GAREM1: variants seen among roughly 807,000 people sequenced by gnomAD.
The protein encoded by GAREM1 is GRB2 associated regulator of MAPK1 subtype 1.
Under a neutral mutation model 71.3 loss-of-function variants are expected in GAREM1, and 26 were observed. That is an observed-to-expected ratio of 0.36 (90% CI 0.27 to 0.51). GAREM1 has a LOEUF of 0.51. GAREM1 is among the 20% of genes least tolerant of loss of function. The pLI is 0.95. For missense variants in GAREM1, 1,026 were observed against 1,103.1 expected (o/e 0.93, Z 0.99); for synonymous variants, 440 against 433.2 (o/e 1.02, Z -0.20).
At chr18:32,388,992 C>T (rs1238979438) in intron 2 of GAREM1, among the ~76,000 whole-genome samples, 1 of 152,076 alleles carries the variant, frequency 6.6e-6, no homozygotes, top group African/African-American at 2.4e-5. Context: ...GGGATGTATG[C>T]TGTCTACTCT....
chr18:32,427,421 T>G (rs888660272), intron 1 of GAREM1, among the ~76,000 whole-genome samples: 1 of 152,156 alleles, frequency 6.6e-6, no homozygotes, highest in Non-Finnish European at 1.5e-5. Flanking sequence ...ATGACAGAGC[T>G]GGAGAGAGAA....
intron 1 of GAREM1, among the ~76,000 whole-genome samples, chr18:32,410,251 A>G (rs2048403503): frequency 6.6e-6 from 1 of 152,210 alleles, no homozygotes; most frequent in Non-Finnish European, 1.5e-5. Context: ...AAATGTATTT[A>G]TTATTCCACC....
At chr18:32,286,962 TA>T in intron 4 of GAREM1, 68 bp downstream of exon 4, 1 of 1,190,068 alleles carries the variant, frequency 8.4e-7, no homozygotes, top group Non-Finnish European at 1.2e-6. Context: ...TTTAAGAAAA[TA>T]AATTAGTGGA....
chr18:32,391,411 AG>A (rs1461707628), intron 2 of GAREM1, among the ~76,000 whole-genome samples: 1 of 152,184 alleles, frequency 6.6e-6, no homozygotes, highest in Non-Finnish European at 1.5e-5. Context: ...TGATAAAATG[AG>A]GGCACTCTTT....
At chr18:32,286,338 G>A (rs2144462075) in intron 4 of GAREM1, among the ~76,000 whole-genome samples, 2 of 150,318 alleles carry the variant, frequency 1.3e-5, no homozygotes, top group South Asian at 4.2e-4. Context: ...GTGTGTGTGT[G>A]TGTGTGTGTG....
intron 2 of GAREM1, among the ~76,000 whole-genome samples, chr18:32,311,845 G>C (rs1598952128): frequency 6.6e-6 from 1 of 152,234 alleles, no homozygotes; most frequent in East Asian, 1.9e-4. Context: ...GAGAGCTGGT[G>C]ATCTAACCAA....
Position 32,302,368 on chromosome 18 carries a change from T to TG in GAREM1, c.393+7824dup, listed in dbSNP as rs74631929. ...AAGTCTATAAACTTCCTAGTCCTGTTGGATAATTTATAGCATTTTATCATT... is the reference window on the plus strand; with the variant it reads ...AAGTCTATAAACTTCCTAGTCCTGTTGGGATAATTTATAGCATTTTATCATT... On this transcript the variant is annotated intron_variant, in intron 3 of 5. Transcript: ENST00000269209. Among the ~76,000 whole-genome samples, 294 of 152,360 alleles carry TG rather than the reference T, an allele frequency of 1.9e-3. 10 individuals are homozygous for TG. In the East Asian group the frequency reaches 0.046, roughly 24 times the overall value.
intron 4 of GAREM1, among the ~76,000 whole-genome samples, chr18:32,285,469 T>C (rs887458215): frequency 2.0e-5 from 3 of 152,188 alleles, no homozygotes; most frequent in Non-Finnish European, 4.4e-5. Flanking sequence ...ACAGAACTTC[T>C]TGTTTTCCCT....
In GAREM1 at chr18:32,265,477, C is replaced by T. The variant is rs1232033073; in HGVS notation, c.*2394G>A. 6.6e-6 allele frequency: 1 copy of T among 152,142 alleles called. No individual in the cohort carries two copies. The highest frequency in any genetic ancestry group is 2.4e-5 in the African/African-American group (1 of 41,414). 9.4% of individuals were successfully genotyped at this position (152,142 alleles called of 1,614,324 possible). A position where few individuals can be genotyped will look rare whatever the true frequency, so the allele number is the denominator to read the frequency against. On this transcript the variant is annotated 3_prime_UTR_variant, in exon 6 of 6. Transcript: ENST00000269209. ...ACTCACACATACATACTCTTAGCAA[C>T]TGAGATTTCAAATATAAACAATATG...
chr18:32,449,013 A>G (rs570599444), intron 1 of GAREM1, among the ~76,000 whole-genome samples: 1 of 152,322 alleles, frequency 6.6e-6, no homozygotes, highest in Non-Finnish European at 1.5e-5. Flanking sequence ...AGCAATACGA[A>G]TGGGAAAACA....
intron 1 of GAREM1, chr18:32,413,256 T>G: frequency 6.4e-7 from 1 of 1,551,106 alleles, no homozygotes; most frequent in Non-Finnish European, 8.9e-7. Context: ...ATATTTCAAC[T>G]ACATATTTGA....
At chr18:32,432,754 G>T (rs976694269) in intron 1 of GAREM1, among the ~76,000 whole-genome samples, 10 of 152,034 alleles carry the variant, frequency 6.6e-5, no homozygotes, top group Non-Finnish European at 1.0e-4. Flanking sequence ...AGAAATAGAT[G>T]ACTTGAATAG....
chr18:32,294,294 G>C (rs780289375), intron 3 of GAREM1, among the ~76,000 whole-genome samples: 1 of 152,292 alleles, frequency 6.6e-6, no homozygotes, highest in East Asian at 1.9e-4. Flanking sequence ...ACGCATACGT[G>C]TATCTGTATA....
chr18:32,323,732 C>G (rs73421939), intron 2 of GAREM1, among the ~76,000 whole-genome samples: 3,451 of 152,212 alleles, frequency 0.023, 129 homozygotes, highest in African/African-American at 0.078. Context: ...AATAATCAAT[C>G]AAGGTTCCAA....
intron 2 of GAREM1, chr18:32,331,776 G>C (rs2047537353): frequency 6.6e-6 from 1 of 152,214 alleles, no homozygotes; most frequent in South Asian, 2.1e-4. Context: ...AAGAAACTGG[G>C]ATATGAGAGA....
intron 2 of GAREM1, among the ~76,000 whole-genome samples, chr18:32,351,142 AT>A (rs2047746335): frequency 6.6e-6 from 1 of 152,150 alleles, no homozygotes; most frequent in African/African-American, 2.4e-5. Context: ...GTAGCCAATG[AT>A]GCTATTTTGA....
chr18:32,429,169 C>T lies in GAREM1; in HGVS notation c.122-36134G>A, dbSNP rs1315987304. On this transcript the variant is annotated intron_variant, in intron 1 of 5. Coordinates refer to ENST00000269209, the MANE Select transcript of GAREM1 (RefSeq NM_001242409.2). ...TATCTCCATCAATTAAAGGGAAATG[C>T]CCTGTCTCAAATTTTGATTCACTGT... Among the ~76,000 whole-genome samples, 6 of 152,190 alleles carry T rather than the reference C, an allele frequency of 3.9e-5. No homozygotes were observed. The East Asian group carries it at 7.7e-4, about 20-fold the overall frequency.
rs898467222 is a variant in GAREM1 at position 32,266,375 on chromosome 18, C to G, written c.*1496G>C. 3.3e-5 allele frequency: 5 copies of G among 151,968 alleles called. No individual in the cohort carries two copies. The highest frequency in any genetic ancestry group is 1.2e-4 in the African/African-American group (5 of 41,392). The allele number at this position is 151,968 out of a possible 1,614,324, so 9.4% of individuals were successfully genotyped here. On this transcript the variant is annotated 3_prime_UTR_variant, in exon 6 of 6. Coordinates refer to ENST00000269209, the MANE Select transcript of GAREM1 (RefSeq NM_001242409.2). Reference sequence around the variant, plus strand: ...TGCTGCCGCCTCACTGGCTGACCTTCCTATTCAAGAGGGCACTGTGTGCAC... The same window carrying G: ...TGCTGCCGCCTCACTGGCTGACCTTGCTATTCAAGAGGGCACTGTGTGCAC...
intron 1 of GAREM1, among the ~76,000 whole-genome samples, chr18:32,468,748 C>G (rs879244807): frequency 6.6e-6 from 1 of 152,156 alleles, no homozygotes; most frequent in African/African-American, 2.4e-5. Context: ...TGCTCTCTGC[C>G]TAGCTAGCAA....
Sources: allele counts gnomAD v4.1 joint callset (sites outside exome capture counted in the v4.1 genomes callset), GRCh38; gene constraint gnomAD v4.1.1; transcripts MANE v1.5; gene names NCBI Gene and HGNC (gene_info 2026-07-23, HGNC 2026-07-21).